Variants in BTBD8 observed in about 807,000 individuals in gnomAD.
BTBD8 encodes the protein BTB/POZ domain-containing protein 8.
A neutral mutation model predicts 162.9 loss-of-function variants in BTBD8; 110 were observed. The ratio of observed to expected loss-of-function variants is 0.68; its 90% confidence interval spans 0.58 to 0.79. The LOEUF (loss-of-function observed/expected upper bound fraction) is 0.79. BTBD8 is among the 30% of genes least tolerant of loss of function. BTBD8 has a pLI of 0.00. For missense variants in BTBD8, 1,905 were observed against 2,085.4 expected, an observed-to-expected ratio of 0.91 and a Z score of 1.68; for synonymous variants, 667 against 716.1, an observed-to-expected ratio of 0.93 and a Z score of 1.10.
chr1:92,139,464 A>G (rs1403914025), intron 6 of BTBD8, 34 bp downstream of exon 6: 3 of 1,587,016 alleles, frequency 1.9e-6, no homozygotes, highest in Admixed American at 3.7e-5. Flanking sequence ...TAAAATATAA[A>G]AGAGTTAGGT....
chr1:92,142,429 G>A (rs1290960022), intron 7 of BTBD8, among the ~76,000 whole-genome samples: 2 of 152,184 alleles, frequency 1.3e-5, no homozygotes, highest in African/African-American at 2.4e-5. Context: ...TATCAGAGAC[G>A]AAGAGAAAGT....
chr1:92,173,177 G>A (rs1332848757), intron 13 of BTBD8, among the ~76,000 whole-genome samples: 4 of 152,124 alleles, frequency 2.6e-5, no homozygotes, highest in African/African-American at 9.7e-5. Context: ...TGCCCGCCTC[G>A]GCCTCCCAAA....
intron 13 of BTBD8, 149 bp downstream of exon 13, chr1:92,171,609 G>A: frequency 3.7e-6 from 2 of 542,498 alleles, no homozygotes; most frequent in South Asian, 6.7e-5. Context: ...TAAATCAAGT[G>A]AACATTTAAT....
Position 92,184,381 on chromosome 1 carries a change from A to G in BTBD8, c.*51A>G, listed in dbSNP as rs1159119568. 1.8e-6 allele frequency: 2 copies of G among 1,110,844 alleles called. No homozygotes were observed. The highest frequency in any genetic ancestry group is 1.6e-5 in the South Asian group (1 of 61,712). The allele number at this position is 1,110,844 out of a possible 1,614,324, so 68.8% of individuals were successfully genotyped here. On this transcript the variant is annotated 3_prime_UTR_variant, in exon 18 of 18. Coordinates refer to ENST00000636805, the MANE Select transcript of BTBD8 (RefSeq NM_001376131.1). ...GCCACTCCTTTATTTTTTGATGCCTATATTATATCCAAATGATAATTGCAT... is the reference window on the plus strand; with the variant it reads ...GCCACTCCTTTATTTTTTGATGCCTGTATTATATCCAAATGATAATTGCAT...
Position 92,130,512 on chromosome 1 carries a change from C to CA in BTBD8, c.752+744dup, listed in dbSNP as rs1465633963. ...TGGGTAACAGAGCCAAACCCTGTCT[C>CA]AAAAAAAATATATATATATATATAT... On this transcript the variant is annotated intron_variant, in intron 5 of 17. Transcript: ENST00000636805. Among the ~76,000 whole-genome samples, 113 of 60,380 alleles carry CA rather than the reference C, an allele frequency of 1.9e-3. 1 individual carries two copies. Among genetic ancestry groups the CA allele is most frequent in the African/African-American group, 0.012 (95 of 7,990 alleles). 39.6% of individuals were successfully genotyped at this position (60,380 alleles called of 152,430 possible).
At chr1:92,091,951 C>T (rs1318803807) in intron 2 of BTBD8, among the ~76,000 whole-genome samples, 1 of 152,096 alleles carries the variant, frequency 6.6e-6, no homozygotes, top group Non-Finnish European at 1.5e-5. Context: ...TACTGAAAAT[C>T]AGTTGCCCAT....
At chr1:92,162,849 A>T (rs911630885) in intron 9 of BTBD8, among the ~76,000 whole-genome samples, 20 of 152,162 alleles carry the variant, frequency 1.3e-4, no homozygotes, top group African/African-American at 4.6e-4. Context: ...TATCTTGTAG[A>T]TATTTTCACA....
chr1:92,165,724 G>C (rs963688172), intron 9 of BTBD8, among the ~76,000 whole-genome samples: 10 of 152,124 alleles, frequency 6.6e-5, no homozygotes, highest in Non-Finnish European at 1.0e-4. Context: ...GAGCTGGGGG[G>C]CTGGTCTTCC....
chr1:92,178,163 T>C, intron 15 of BTBD8, 149 bp from the exon 16 acceptor site: 1 of 671,158 alleles, frequency 1.5e-6, no homozygotes, highest in Non-Finnish European at 2.5e-6. Context: ...TTTTATAAAC[T>C]TAAAAAGACT....
chr1:92,113,558 C>T (rs1648953477), intron 4 of BTBD8, among the ~76,000 whole-genome samples: 1 of 152,198 alleles, frequency 6.6e-6, no homozygotes, highest in Non-Finnish European at 1.5e-5. Flanking sequence ...CAAAGGCACC[C>T]ATCAGAGAAG....
At chr1:92,086,514 C>T (rs985977864) in intron 1 of BTBD8, among the ~76,000 whole-genome samples, 1 of 151,892 alleles carries the variant, frequency 6.6e-6, no homozygotes, top group African/African-American at 2.4e-5. Context: ...GCCTGTGGTC[C>T]CAGCTACTTG....
rs1305874543 is a variant in BTBD8, at chr1:92,171,422, C to T, written c.1597C>T (p.Arg533Ter). ...QAAAFDKGDDRRLGKKPIFSS... is the reference protein window; with the variant it reads ...QAAAFDKGDD ...AGCTGCATTTGACAAAGGTGATGAT[C>T]GAAGACTTGGCAAAAAGCCTATATT... The change falls in exon 13 of 18, where the codon CGA becomes TGA. Residue 533 changes from arginine (R) to a stop codon, truncating the protein, a stop_gained. Transcript: ENST00000636805. LOFTEE classifies it high-confidence loss of function. 9 of 1,537,364 alleles carry T rather than the reference C, an allele frequency of 5.9e-6. No homozygotes were observed. Among genetic ancestry groups the T allele is most frequent in the East Asian group, 5.0e-5 (2 of 40,202 alleles).
intron 13 of BTBD8, among the ~76,000 whole-genome samples, chr1:92,175,641 A>G (rs1650693026): frequency 1.3e-5 from 2 of 150,720 alleles, no homozygotes; most frequent in African/African-American, 4.9e-5. Context: ...CTAAAATACA[A>G]AAAAATTAGC....
chr1:92,084,904 A>G (rs1045124496), intron 1 of BTBD8, among the ~76,000 whole-genome samples: 2 of 152,166 alleles, frequency 1.3e-5, no homozygotes, highest in African/African-American at 4.8e-5. Flanking sequence ...GCTGACCAAC[A>G]TATAGTTCCA....
chr1:92,170,602 AT>A (rs1240702644), intron 12 of BTBD8, among the ~76,000 whole-genome samples: 2 of 152,258 alleles, frequency 1.3e-5, no homozygotes, highest in East Asian at 1.9e-4. Flanking sequence ...AATTTAATGT[AT>A]TTTTTATTAG....
intron 1 of BTBD8, among the ~76,000 whole-genome samples, chr1:92,084,952 CACTT>C (rs1455059872): frequency 6.6e-6 from 1 of 152,192 alleles, no homozygotes; most frequent in Non-Finnish European, 1.5e-5. Context: ...TGGAGCCAGG[CACTT>C]ACTTACCTTG....
chr1:92,123,059 T>C (rs1436501579), intron 4 of BTBD8, among the ~76,000 whole-genome samples: 3 of 152,248 alleles, frequency 2.0e-5, no homozygotes, highest in Non-Finnish European at 2.9e-5. Flanking sequence ...TAATTTTTTT[T>C]CTACAAACAT....
Position 92,147,164 on chromosome 1 carries a change from T to C in BTBD8, c.931-16T>C, listed in dbSNP as rs774700280. The C allele has an allele frequency of 2.6e-6, 4 of 1,563,396 alleles. No individual in the cohort carries two copies. The highest frequency in any genetic ancestry group is 3.7e-5 in the Admixed American group (2 of 53,714). ...AATTGAAAAGGAATAAATATGGTGT[T>C]TTCCATCAATTTTAGCCTGTTCCCA... On this transcript the variant is annotated splice_polypyrimidine_tract_variant and intron_variant, in intron 7 of 17. Coordinates refer to ENST00000636805, the MANE Select transcript of BTBD8 (RefSeq NM_001376131.1).
intron 1 of BTBD8, among the ~76,000 whole-genome samples, chr1:92,085,796 G>A (rs934735109): frequency 6.6e-6 from 1 of 152,208 alleles, no homozygotes; most frequent in Non-Finnish European, 1.5e-5. Context: ...GGAAGGCTGA[G>A]GGGGATGGAT....
Sources: gnomAD v4.1 joint callset for allele counts (sites outside exome capture counted in the v4.1 genomes callset) on GRCh38, gnomAD v4.1.1 for gene constraint, MANE v1.5 for transcripts, NCBI Gene and HGNC (gene_info 2026-07-23, HGNC 2026-07-21) for gene names.